Variants in EVI5 observed in about 807,000 individuals in gnomAD.
The protein encoded by EVI5 is ecotropic viral integration site 5 protein homolog.
EVI5 carries 73 observed loss-of-function variants against 112.0 expected under a neutral mutation model. The observed-to-expected ratio is 0.65, with a 90% CI of 0.54 to 0.79. EVI5 has a LOEUF of 0.79. Ranked by LOEUF, EVI5 falls within the 30% of genes least tolerant of loss-of-function variation. The pLI is 0.00. For synonymous variants in EVI5, 305 were observed against 319.9 expected (o/e 0.95, Z 0.50); for missense variants, 900 against 968.8 (o/e 0.93, Z 0.94).
chr1:92,658,182 C>A (rs1354085748), intron 13 of EVI5, among the ~76,000 whole-genome samples: 1 of 152,166 alleles, frequency 6.6e-6, no homozygotes, highest in Non-Finnish European at 1.5e-5. Flanking sequence ...TGGAACAAGA[C>A]AAGGATGCTT....
At chr1:92,777,788 A>G (rs969232243) in intron 1 of EVI5, among the ~76,000 whole-genome samples, 3 of 152,072 alleles carry the variant, frequency 2.0e-5, no homozygotes, top group Non-Finnish European at 4.4e-5. Context: ...AAGTTGTGTT[A>G]TTGTTGTTTG....
At chr1:92,787,953 C>T (rs1165527990), upstream of EVI5, among the ~76,000 whole-genome samples, 1 of 140,080 alleles carries the variant, frequency 7.1e-6, no homozygotes, top group African/African-American at 2.7e-5. Flanking sequence ...TCATACTGTT[C>T]CATTTATTTG....
At chr1:92,791,682 A>G (rs1221308199) in intron 1 of EVI5, among the ~76,000 whole-genome samples, 2 of 152,186 alleles carry the variant, frequency 1.3e-5, no homozygotes, top group African/African-American at 2.4e-5. Context: ...TTTCGTGTGA[A>G]ATTGTCTAAT....
chr1:92,513,629 A>C lies in EVI5; in HGVS notation c.*27T>G, dbSNP rs1359734058. 3 of 1,476,418 alleles carry C rather than the reference A, an allele frequency of 2.0e-6. No homozygotes were observed. In the East Asian group the frequency reaches 7.0e-5, roughly 34 times the overall value. 91.5% of individuals were successfully genotyped at this position (1,476,418 alleles called of 1,614,324 possible). ...CATATGATAACTGATCCCTTAAATA[A>C]ATCCATAGTCTAGGTCACAGTGATG... On this transcript the variant is annotated 3_prime_UTR_variant, in exon 20 of 20. Transcript: ENST00000684568.
At chr1:92,593,593 T>C (rs1674386601) in intron 18 of EVI5, among the ~76,000 whole-genome samples, 1 of 152,002 alleles carries the variant, frequency 6.6e-6, no homozygotes. Flanking sequence ...GAGAAGGAAA[T>C]AAAGGGTATT....
rs888625844 is a variant in EVI5 at position 92,512,925 on chromosome 1, T to C, written c.*731A>G. 2 of 151,634 alleles carry C rather than the reference T, an allele frequency of 1.3e-5. No individual in the cohort carries two copies. The highest frequency in any genetic ancestry group is 4.8e-5 in the African/African-American group (2 of 41,282). 9.4% of individuals were successfully genotyped at this position (151,634 alleles called of 1,614,324 possible). A position where few individuals can be genotyped will look rare whatever the true frequency, so the allele number is the denominator to read the frequency against. ...ACTTTGGGAGGCTGAGGCGGGTGGA[T>C]CACTTGAGGTTAGGAGTTCGAGACC... On this transcript the variant is annotated 3_prime_UTR_variant, in exon 20 of 20. Transcript: ENST00000684568.
At chr1:92,634,433 A>G (rs932157372) in intron 14 of EVI5, among the ~76,000 whole-genome samples, 1 of 152,004 alleles carries the variant, frequency 6.6e-6, no homozygotes. Flanking sequence ...TTCATTTGAT[A>G]TTCCATCGCT....
intron 13 of EVI5, 119 bp downstream of exon 13, chr1:92,662,600 G>T: frequency 3.2e-6 from 2 of 632,874 alleles, no homozygotes; most frequent in Non-Finnish European, 4.2e-6. Flanking sequence ...TAATTTAAAA[G>T]TTCAAAGTCT....
intron 1 of EVI5, among the ~76,000 whole-genome samples, chr1:92,758,294 C>G (rs896863077): frequency 1.3e-5 from 2 of 151,964 alleles, no homozygotes; most frequent in African/African-American, 4.8e-5. Flanking sequence ...TAAGGCTGGG[C>G]GCGGTGGCTC....
intron 19 of EVI5, among the ~76,000 whole-genome samples, chr1:92,531,050 G>C (rs1339688257): frequency 6.6e-6 from 1 of 151,958 alleles, no homozygotes; most frequent in African/African-American, 2.4e-5. Context: ...AAAAAGGTCA[G>C]ATGAATTGCG....
intron 16 of EVI5, chr1:92,622,310 T>C (rs951520684): frequency 4.4e-6 from 2 of 450,570 alleles, no homozygotes; most frequent in Non-Finnish European, 8.9e-6. Context: ...TTAAAAAATA[T>C]TATTTTAAGA....
At chr1:92,667,668 T>G (rs1280768269) in intron 10 of EVI5, among the ~76,000 whole-genome samples, 1 of 152,246 alleles carries the variant, frequency 6.6e-6, no homozygotes, top group African/African-American at 2.4e-5. Flanking sequence ...CAGGCTGGAA[T>G]GCAGTGGTGC....
chr1:92,606,886 T>TCACACA (rs559617956), intron 17 of EVI5, among the ~76,000 whole-genome samples: 220 of 66,306 alleles, frequency 3.3e-3, no homozygotes, highest in African/African-American at 0.017. Context: ...TTTAGTTATT[T>TCACACA]CACACACACA....
At chr1:92,639,009 T>G (rs944919668) in intron 13 of EVI5, among the ~76,000 whole-genome samples, 1 of 152,164 alleles carries the variant, frequency 6.6e-6, no homozygotes, top group Non-Finnish European at 1.5e-5. Context: ...ACACACAATT[T>G]GTTTTACCAA....
chr1:92,610,075 C>T (rs762727453), intron 16 of EVI5, among the ~76,000 whole-genome samples: 1 of 152,028 alleles, frequency 6.6e-6, no homozygotes, highest in Non-Finnish European at 1.5e-5. Flanking sequence ...TTAGTAGAGA[C>T]GAGGTCCTAC....
At chr1:92,568,265 A>G (rs1438771401) in intron 18 of EVI5, among the ~76,000 whole-genome samples, 1 of 151,572 alleles carries the variant, frequency 6.6e-6, no homozygotes, top group Non-Finnish European at 1.5e-5. Context: ...GGTCCCAGCT[A>G]CCAGGGAGGG....
At chr1:92,685,799 G>T (rs1242415424) in intron 9 of EVI5, among the ~76,000 whole-genome samples, 2 of 152,170 alleles carry the variant, frequency 1.3e-5, no homozygotes, top group African/African-American at 4.8e-5. Context: ...AAATCTAGAA[G>T]AAATGGATAA....
chr1:92,734,865 C>T (rs548714497), intron 2 of EVI5, among the ~76,000 whole-genome samples: 4 of 152,082 alleles, frequency 2.6e-5, no homozygotes, highest in Admixed American at 2.6e-4. Flanking sequence ...AGAATATATA[C>T]AGATGACAAA....
At chr1:92,690,273 G>T (rs577079890) in intron 9 of EVI5, among the ~76,000 whole-genome samples, 1 of 151,804 alleles carries the variant, frequency 6.6e-6, no homozygotes, top group African/African-American at 2.4e-5. Context: ...ATAAATGTAA[G>T]AAGAATAACA....
Sources: gnomAD v4.1 joint callset for allele counts (sites outside exome capture counted in the v4.1 genomes callset) on GRCh38, gnomAD v4.1.1 for gene constraint, MANE v1.5 for transcripts, NCBI Gene and HGNC (gene_info 2026-07-23, HGNC 2026-07-21) for gene names.